The following LIPE variants were observed in gnomAD, a reference collection of about 807,000 sequenced individuals.
LIPE encodes hormone-sensitive lipase.
In LIPE, 66 loss-of-function variants were observed where a neutral mutation model predicts 88.5. The observed-to-expected ratio is 0.75, with a 90% CI of 0.61 to 0.91. LIPE has a LOEUF of 0.91. Ranked by LOEUF, LIPE falls within the 40% of genes least tolerant of loss-of-function variation. LIPE has a pLI of 0.00. For synonymous variants in LIPE, 570 were observed against 617.5 expected, an observed-to-expected ratio of 0.92 and a Z score of 1.14; for missense variants, 1,346 against 1,434.7, an observed-to-expected ratio of 0.94 and a Z score of 1.00.
chr19:42,427,229 T>TG lies in LIPE; in HGVS notation c.-81_-80insC. 2 of 1,481,012 alleles carry TG rather than the reference T, an allele frequency of 1.4e-6. No homozygotes were observed. Among genetic ancestry groups the TG allele is most frequent in the Non-Finnish European group, 1.8e-6 (2 of 1,120,444 alleles). The allele number at this position is 1,481,012 out of a possible 1,614,324, so 91.7% of individuals were successfully genotyped here. Reference sequence around the variant, plus strand: ...CCACCCAGCCCTCTCTCTTCACAGATCTCTCATTGATTCCTCATGATGGCA... The same window carrying TG: ...CCACCCAGCCCTCTCTCTTCACAGATGCTCTCATTGATTCCTCATGATGGCA... On this transcript the variant is annotated 5_prime_UTR_variant, in exon 1 of 10. It removes the in-frame stop codon of an upstream open reading frame in the 5' UTR. Transcript: ENST00000244289.
chr19:42,401,844 C>T lies in LIPE; in HGVS notation c.3199G>A (p.Gly1067Arg). ...CGCCCCCCGCAGCCCCCGTCTACCCCCGCAGCCCCCGTCTCCCCGCTCGGC... is the reference window on the plus strand; with the variant it reads ...CGCCCCCCGCAGCCCCCGTCTACCCTCGCAGCCCCCGTCTCCCCGCTCGGC... ...AGPSGETGAA[G>R]VDGGCGGRH is the part of the protein sequence containing the mutation. The change falls in exon 10 of 10, where the codon GGG becomes AGG. Residue 1067 changes from glycine to arginine, a missense_variant. By Grantham distance (125) the Gly-to-Arg change is moderately radical. Coordinates refer to ENST00000244289, the MANE Select transcript of LIPE (RefSeq NM_005357.4). The T allele has an allele frequency of 1.3e-6, 2 of 1,516,184 alleles. No homozygotes were observed. The highest frequency in any genetic ancestry group is 1.2e-5 in the South Asian group (1 of 80,436). 93.9% of individuals were successfully genotyped at this position (1,516,184 alleles called of 1,614,324 possible). A position where few individuals can be genotyped will look rare whatever the true frequency, so the allele number is the denominator to read the frequency against.
chr19:42,403,171 G>C, intron 8 of LIPE, 140 bp from the exon 9 acceptor site: 3 of 848,402 alleles, frequency 3.5e-6, no homozygotes, highest in South Asian at 1.9e-5. Context: ...TAGGGGATGG[G>C]TGGAGTTCCA....
intron 1 of LIPE, chr19:42,411,452 C>T (rs2040372902): frequency 2.7e-6 from 1 of 364,600 alleles, no homozygotes; most frequent in Non-Finnish European, 3.8e-6. Context: ...TCCCATCTTT[C>T]CTTCTTAGGC....
At chr19:42,415,126 G>A (rs1007428864) in intron 1 of LIPE, among the ~76,000 whole-genome samples, 2 of 152,090 alleles carry the variant, frequency 1.3e-5, no homozygotes, top group African/African-American at 4.8e-5. Context: ...CAGCTACTCG[G>A]GAGGCTGAGG....
In LIPE at chr19:42,404,751, G is replaced by T. The variant is rs909477058; in HGVS notation, c.2542+634C>A. The stretch of plus-strand genomic sequence containing the variant: ...TACTTTGTGGCCCAGAGGGTCACTG[G>T]AACAGAATGGACACACCAGGGGTGC... On this transcript the variant is annotated intron_variant, in intron 8 of 9. Coordinates refer to ENST00000244289, the MANE Select transcript of LIPE (RefSeq NM_005357.4). 4.1e-4 allele frequency among the ~76,000 whole-genome samples: 62 copies of T among 152,346 alleles called. 1 individual carries two copies. Among genetic ancestry groups the T allele is most frequent in the African/African-American group, 1.4e-3 (60 of 41,580 alleles).
chr19:42,416,149 C>T (rs1239689393), intron 1 of LIPE, among the ~76,000 whole-genome samples: 1 of 151,922 alleles, frequency 6.6e-6, no homozygotes, highest in East Asian at 1.9e-4. Context: ...TTGAAACCAG[C>T]CTGACCAACA....
At position 42,408,759 on chromosome 19, in the gene LIPE, G is replaced by A. The variant is rs1600120108; in HGVS notation, c.1420-437C>T. On this transcript the variant is annotated intron_variant, in intron 2 of 9. Transcript: ENST00000244289. This position sits in a 1 kb window ranked among gnomAD's most constrained non-coding sequence, Gnocchi z 4.3. Reference sequence around the variant, plus strand: ...GAATCGCTTGAACCCAGGAGGCAGAGGTTGCAGTGAGTGGAGATCACACCA... The same window carrying A: ...GAATCGCTTGAACCCAGGAGGCAGAAGTTGCAGTGAGTGGAGATCACACCA... Among the ~76,000 whole-genome samples, 1 of 151,784 alleles carries A rather than the reference G, an allele frequency of 6.6e-6. No individual in the cohort carries two copies. The highest frequency in any genetic ancestry group is 1.9e-4 in the East Asian group (1 of 5,140).
chr19:42,423,562 G>A (rs2040645435), intron 1 of LIPE: 3 of 1,230,098 alleles, frequency 2.4e-6, no homozygotes, highest in Non-Finnish European at 2.1e-6. Flanking sequence ...CTCCCGCGGG[G>A]GCCAATTCCA....
chr19:42,421,451 T>G (rs2040596584), intron 1 of LIPE, among the ~76,000 whole-genome samples: 1 of 152,210 alleles, frequency 6.6e-6, no homozygotes, highest in Non-Finnish European at 1.5e-5. Flanking sequence ...TTTATCACAG[T>G]TTACAATCAT....
intron 8 of LIPE, 23 bp from the exon 9 acceptor site, chr19:42,403,054 G>A (rs1329163394): frequency 2.0e-6 from 3 of 1,518,156 alleles, no homozygotes; most frequent in Non-Finnish European, 2.6e-6. Flanking sequence ...GAGCAGATAG[G>A]CCTGGCTCCG....
rs1220851006 is a variant in LIPE at position 42,401,916 on chromosome 19, A to C, written c.3127T>G (p.Cys1043Gly). ...AGGACGAGGCGGATGCGCTCCACGC[A>C]CAGCTCTGCGGCCTGGCGCGTCTCG... ...CRETRQAAEL[C>G]VERIRLVLTP... The change falls in exon 10 of 10, where the codon TGC (cysteine) becomes GGC (glycine). Residue 1043 changes from cysteine to glycine, a missense_variant. Cys to Gly is a radical substitution (Grantham distance 159). Transcript: ENST00000244289. 1.3e-6 allele frequency: 2 copies of C among 1,552,760 alleles called. No individual in the cohort carries two copies. Among genetic ancestry groups the C allele is most frequent in the Non-Finnish European group, 1.7e-6 (2 of 1,154,714 alleles).
rs2040718172 is a variant in LIPE, at chr19:42,426,897, CT to C, written c.252del (p.Glu85ArgfsTer35). Reference sequence around the variant, plus strand: ...GGCTTCTGTGGGGCAAGAAATTCCTCTTGTGAAGCAGATTTTTGTTGGGCTC... The same window carrying C: ...GGCTTCTGTGGGGCAAGAAATTCCTCTGTGAAGCAGATTTTTGTTGGGCTC... ...EPRAQQKSAS[Q>X]EEFLAPQKPA... is the part of the protein sequence containing the mutation. On this transcript the variant is annotated frameshift_variant, in exon 1 of 10. Coordinates refer to ENST00000244289, the MANE Select transcript of LIPE (RefSeq NM_005357.4). LOFTEE classifies it high-confidence loss of function. 6.2e-7 allele frequency: 1 copy of C among 1,614,160 alleles called. No homozygotes were observed. The highest frequency in any genetic ancestry group is 1.3e-5 in the African/African-American group (1 of 75,034).
chr19:42,409,363 C>T (rs895367978), intron 2 of LIPE, among the ~76,000 whole-genome samples: 9 of 144,774 alleles, frequency 6.2e-5, no homozygotes, highest in African/African-American at 2.1e-4. Context: ...ACCAGCCTGG[C>T]CAACATGGTG....
At chr19:42,425,602 A>G (rs888350155) in intron 1 of LIPE, among the ~76,000 whole-genome samples, 1 of 152,124 alleles carries the variant, frequency 6.6e-6, no homozygotes, top group Non-Finnish European at 1.5e-5. Context: ...GCTTGGGGCC[A>G]GGAGTTCGAG....
In LIPE at chr19:42,407,959, C is replaced by A. The variant is rs1378108962; in HGVS notation, c.1656+17G>T. On this transcript the variant is annotated intron_variant, in intron 4 of 9. Transcript: ENST00000244289. The surrounding 1 kb of genome is among the most constrained non-coding windows in gnomAD (Gnocchi z 5.8). ...AGTCTCTGGGCCTCAGTGTCCCCAT[C>A]TGCAACAGGCCCTCACCGATAGCAC... 4 of 1,609,310 alleles carry A rather than the reference C, an allele frequency of 2.5e-6. No homozygotes were observed. The highest frequency in any genetic ancestry group is 1.3e-5 in the African/African-American group (1 of 74,904).
chr19:42,420,940 C>T (rs1305344287), intron 1 of LIPE, among the ~76,000 whole-genome samples: 1 of 151,964 alleles, frequency 6.6e-6, no homozygotes, highest in African/African-American at 2.4e-5. Flanking sequence ...TCATTGTTGC[C>T]CAGGCTGGAG....
rs1227016381 is a variant in LIPE at position 42,402,793 on chromosome 19, C to T, written c.2781G>A (p.Glu927=). The stretch of plus-strand genomic sequence containing the variant: ...CCAGGCCTCTGTCCATGGGGCTCAG[C>T]TCATTTTTGGCCTCAGCCTCTTCCC... ...DAGEEAEAKN[E]LSPMDRGLGV... is the part of the protein sequence containing the mutation. The change falls in exon 9 of 10, where the codon GAG becomes GAA. Residue 927 remains glutamate (E), a synonymous_variant. Coordinates refer to ENST00000244289, the MANE Select transcript of LIPE (RefSeq NM_005357.4). 1 of 1,611,018 alleles carries T rather than the reference C, an allele frequency of 6.2e-7. No homozygotes were observed. The highest frequency in any genetic ancestry group is 1.7e-5 in the Admixed American group (1 of 59,888).
At chr19:42,405,350 C>T (rs1293476165) in intron 8 of LIPE, 35 bp downstream of exon 8, 1 of 1,604,346 alleles carries the variant, frequency 6.2e-7, no homozygotes, top group Admixed American at 1.7e-5. Flanking sequence ...TCCTGCCCAC[C>T]CTGGCTGGGC....
In LIPE at chr19:42,424,008, G is replaced by A. The variant is rs1027339547; in HGVS notation, c.883+2259C>T. 1.4e-5 allele frequency: 16 copies of A among 1,179,088 alleles called. No individual in the cohort carries two copies. The African/African-American group carries it at 2.4e-4, about 18-fold the overall frequency. 73.0% of individuals were successfully genotyped at this position (1,179,088 alleles called of 1,614,324 possible). On this transcript the variant is annotated intron_variant, in intron 1 of 9. Coordinates refer to ENST00000244289, the MANE Select transcript of LIPE (RefSeq NM_005357.4). Reference sequence around the variant, plus strand: ...GGGCGCCTCTGAGCCTCTGCCTGGGGTGGGGGCGGGCCAGGTCCTCTGCCA... The same window carrying A: ...GGGCGCCTCTGAGCCTCTGCCTGGGATGGGGGCGGGCCAGGTCCTCTGCCA...
Sources: allele counts gnomAD v4.1 joint callset (sites outside exome capture counted in the v4.1 genomes callset), GRCh38; gene constraint gnomAD v4.1.1; non-coding constraint Gnocchi (gnomAD v3.1); transcripts MANE v1.5; gene names NCBI Gene and HGNC (gene_info 2026-07-23, HGNC 2026-07-21).